The following KIAA1217 variants were observed in gnomAD, a reference collection of about 807,000 sequenced individuals.
KIAA1217 encodes the protein KIAA1217.
KIAA1217 carries 88 observed loss-of-function variants against 163.9 expected under a neutral mutation model. That is an observed-to-expected ratio of 0.54 (90% CI 0.45 to 0.64). The LOEUF (loss-of-function observed/expected upper bound fraction) is 0.64. Among genes scored for constraint, KIAA1217 ranks in the 30% least tolerant of loss-of-function variants. The pLI, the probability that KIAA1217 is intolerant of heterozygous loss-of-function variation, is 0.00. For synonymous variants in KIAA1217, 903 were observed against 923.1 expected (o/e 0.98, Z 0.39); for missense variants, 2,372 against 2,475.0 (o/e 0.96, Z 0.88).
intron 2 of KIAA1217, among the ~76,000 whole-genome samples, chr10:24,332,278 G>T (rs1035178745): frequency 6.6e-6 from 1 of 152,184 alleles, no homozygotes; most frequent in Non-Finnish European, 1.5e-5. Flanking sequence ...TGCCTATCAG[G>T]GGTACTGAAA....
chr10:24,050,949 G>T (rs1849458837), intron 2 of KIAA1217, among the ~76,000 whole-genome samples: 1 of 151,694 alleles, frequency 6.6e-6, no homozygotes, highest in Non-Finnish European at 1.5e-5. Context: ...CACTTATTTT[G>T]GGGGAACAGT....
chr10:24,376,676 C>T (rs564352778), intron 2 of KIAA1217, among the ~76,000 whole-genome samples: 3 of 151,872 alleles, frequency 2.0e-5, no homozygotes. Flanking sequence ...GTGGGAGGAT[C>T]GCTTGAGCCT....
intron 1 of KIAA1217, among the ~76,000 whole-genome samples, chr10:23,770,570 A>T (rs1834748512): frequency 6.6e-6 from 1 of 152,188 alleles, no homozygotes; most frequent in Non-Finnish European, 1.5e-5. Context: ...CTGAGGATGG[A>T]GAAGACCCTG....
At chr10:23,702,149 T>C (rs1836497284) in intron 1 of KIAA1217, among the ~76,000 whole-genome samples, 2 of 152,078 alleles carry the variant, frequency 1.3e-5, no homozygotes, top group Admixed American at 1.3e-4. Flanking sequence ...AACCTTAAAG[T>C]GCAGCATATC....
At chr10:23,850,796 T>A (rs1839273877) in intron 1 of KIAA1217, among the ~76,000 whole-genome samples, 1 of 152,028 alleles carries the variant, frequency 6.6e-6, no homozygotes, top group African/African-American at 2.4e-5. Flanking sequence ...TGGGGAGGCT[T>A]CAGGAAACTC....
chr10:23,902,684 A>G (rs1162426986), intron 1 of KIAA1217, among the ~76,000 whole-genome samples: 2 of 152,092 alleles, frequency 1.3e-5, no homozygotes, highest in Admixed American at 6.6e-5. Flanking sequence ...TGTTCATCCA[A>G]TTTAATTTTT....
chr10:24,297,688 G>A (rs2040786429), intron 2 of KIAA1217, among the ~76,000 whole-genome samples: 1 of 152,122 alleles, frequency 6.6e-6, no homozygotes, highest in Admixed American at 6.6e-5. Context: ...GCTGGGAGGT[G>A]GAGGTTGCAG....
chr10:24,430,854 C>A (rs1420972913), intron 3 of KIAA1217, among the ~76,000 whole-genome samples: 2 of 152,242 alleles, frequency 1.3e-5, no homozygotes, highest in Non-Finnish European at 2.9e-5. Flanking sequence ...TGGCTCACTT[C>A]CTGCTATGTG....
intron 3 of KIAA1217, among the ~76,000 whole-genome samples, chr10:24,393,008 T>C (rs1591560637): frequency 6.6e-6 from 1 of 152,172 alleles, no homozygotes; most frequent in East Asian, 1.9e-4. Context: ...TATGATCCTT[T>C]AGGTTTATTT....
At chr10:24,497,042 C>A (rs535312619) in intron 8 of KIAA1217, among the ~76,000 whole-genome samples, 1 of 152,196 alleles carries the variant, frequency 6.6e-6, no homozygotes, top group African/African-American at 2.4e-5. Flanking sequence ...CTCACTCTAA[C>A]GTATCAGGGC....
In KIAA1217 at chr10:24,166,612, C is replaced by A. The variant is rs182235926; in HGVS notation, c.-170-53014C>A. On this transcript the variant is annotated intron_variant, in intron 2 of 18. Transcript: ENST00000376462. ...AATTAACTAGGCGTAATGGGGCATA[C>A]CTGTAATTCCAGTTACTTGGGAGGC... Among the ~76,000 whole-genome samples, 65 of 152,234 alleles carry A rather than the reference C, an allele frequency of 4.3e-4. 1 individual carries two copies. The East Asian group carries it at 0.011, about 25-fold the overall frequency.
intron 5 of KIAA1217, among the ~76,000 whole-genome samples, chr10:24,456,010 C>T (rs76508099): frequency 0.076 from 11,599 of 152,152 alleles, 617 homozygotes; most frequent in East Asian, 0.18. Context: ...CTTAGTCCCC[C>T]AAGTTGCTGG....
chr10:24,463,740 T>G (rs1051516916), intron 5 of KIAA1217, among the ~76,000 whole-genome samples: 30 of 152,360 alleles, frequency 2.0e-4, no homozygotes, highest in African/African-American at 6.7e-4. Flanking sequence ...GCATAAAAAT[T>G]ACTTCCTGTT....
chr10:23,892,137 T>A (rs1256945032), intron 1 of KIAA1217, among the ~76,000 whole-genome samples: 3 of 151,990 alleles, frequency 2.0e-5, no homozygotes, highest in Admixed American at 1.3e-4. Flanking sequence ...GCCTTTCTTA[T>A]TGAATGTTTG....
chr10:23,930,043 C>T (rs1361105248), intron 1 of KIAA1217, among the ~76,000 whole-genome samples: 2 of 152,088 alleles, frequency 1.3e-5, no homozygotes, highest in African/African-American at 4.8e-5. Flanking sequence ...ACTTTGCTGG[C>T]ATCTGTTATT....
chr10:23,715,272 C>T (rs2130746347), intron 1 of KIAA1217, among the ~76,000 whole-genome samples: 1 of 152,266 alleles, frequency 6.6e-6, no homozygotes. Context: ...GCATGATTAC[C>T]TTTCCCTAGT....
At chr10:24,217,643 G>C (rs1042265824) in intron 1 of KIAA1217, among the ~76,000 whole-genome samples, 2 of 151,646 alleles carry the variant, frequency 1.3e-5, no homozygotes, top group African/African-American at 2.4e-5. Flanking sequence ...AAGAGTGGTG[G>C]TCACATTGCT....
rs118058500 is a variant in KIAA1217, at chr10:24,426,668, A to G, written c.554-6327A>G. The stretch of plus-strand genomic sequence containing the variant: ...TGCAGTCTCAACAAAATACAATATG[A>G]GCACATCGGTGAGGTAAATTAATTC... On this transcript the variant is annotated intron_variant, in intron 3 of 20. Coordinates refer to ENST00000376454, the MANE Select transcript of KIAA1217 (RefSeq NM_019590.5). Among the ~76,000 whole-genome samples the G allele has an allele frequency of 2.3e-4, 35 of 152,308 alleles. No individual in the cohort carries two copies. In the East Asian group the frequency reaches 5.6e-3, roughly 24 times the overall value.
intron 2 of KIAA1217, among the ~76,000 whole-genome samples, chr10:24,078,546 C>T (rs1446707927): frequency 6.6e-6 from 1 of 152,172 alleles, no homozygotes; most frequent in Non-Finnish European, 1.5e-5. Context: ...TGGGCAAATA[C>T]TTGGGCCCTA....
Sources: allele counts gnomAD v4.1 joint callset (sites outside exome capture counted in the v4.1 genomes callset), GRCh38; gene constraint gnomAD v4.1.1; transcripts MANE v1.5; gene names NCBI Gene and HGNC (gene_info 2026-07-23, HGNC 2026-07-21).